The following TTC28 variants were observed in gnomAD, a reference collection of about 807,000 sequenced individuals.
TTC28 encodes the protein tetratricopeptide repeat protein 28.
TTC28 carries 61 observed loss-of-function variants against 198.0 expected under a neutral mutation model. The ratio of observed to expected loss-of-function variants is 0.31; its 90% CI spans 0.25 to 0.38. The LOEUF (loss-of-function observed/expected upper bound fraction) is 0.38. TTC28 is among the 10% of genes least tolerant of loss of function. The pLI, the probability that TTC28 is intolerant of heterozygous loss-of-function variation, is 1.00. For missense variants in TTC28, 2,678 were observed against 3,164.0 expected (o/e 0.85, Z 3.69); for synonymous variants, 1,171 against 1,297.8 (o/e 0.90, Z 2.10).
At chr22:28,333,177 T>A (rs2045643824) in intron 2 of TTC28, among the ~76,000 whole-genome samples, 2 of 152,090 alleles carry the variant, frequency 1.3e-5, no homozygotes, top group Non-Finnish European at 2.9e-5. Flanking sequence ...ATCATTCAGA[T>A]TTTCTTTTGC....
At chr22:28,102,181 A>G (rs1214698261) in intron 8 of TTC28, among the ~76,000 whole-genome samples, 2 of 152,234 alleles carry the variant, frequency 1.3e-5, no homozygotes, top group African/African-American at 4.8e-5. Flanking sequence ...ATGAGTGTTA[A>G]TAGAAGATAC....
chr22:28,215,999 G>A (rs1048142718), intron 5 of TTC28, among the ~76,000 whole-genome samples: 1 of 152,166 alleles, frequency 6.6e-6, no homozygotes, highest in Non-Finnish European at 1.5e-5. Context: ...CCTACACCAT[G>A]TTACAGACAT....
intron 2 of TTC28, among the ~76,000 whole-genome samples, chr22:28,422,268 G>A (rs1392583697): frequency 6.6e-6 from 1 of 152,122 alleles, no homozygotes; most frequent in Non-Finnish European, 1.5e-5. Context: ...CTTTGACAAG[G>A]AGTAAGGGAT....
chr22:28,529,994 C>A (rs1400867652), intron 2 of TTC28, among the ~76,000 whole-genome samples: 1 of 152,164 alleles, frequency 6.6e-6, no homozygotes, highest in Non-Finnish European at 1.5e-5. Flanking sequence ...AATAAGAGCA[C>A]CTCTTCTCCT....
intron 20 of TTC28, among the ~76,000 whole-genome samples, chr22:27,990,334 C>T (rs2294818): frequency 0.066 from 10,084 of 152,126 alleles, 560 homozygotes; most frequent in East Asian, 0.24. Flanking sequence ...GTTAGGGGAC[C>T]GGCCACCTCC....
chr22:28,537,271 C>T (rs926354138), intron 2 of TTC28, among the ~76,000 whole-genome samples: 9 of 115,898 alleles, frequency 7.8e-5, no homozygotes, highest in Middle Eastern at 4.4e-3. Flanking sequence ...CCAGCCTGGG[C>T]GACAGAGCCA....
intron 6 of TTC28, among the ~76,000 whole-genome samples, chr22:28,134,865 AT>A (rs1469296741): frequency 6.6e-6 from 1 of 152,014 alleles, no homozygotes; most frequent in East Asian, 1.9e-4. Context: ...CTGAGACTAT[AT>A]TTCTGTGTGG....
chr22:28,496,615 C>A (rs999821205), intron 2 of TTC28, among the ~76,000 whole-genome samples: 1 of 152,042 alleles, frequency 6.6e-6, no homozygotes, highest in Non-Finnish European at 1.5e-5. Flanking sequence ...CTGCTAATTA[C>A]CACCCTTGTC....
chr22:27,998,921 G>A lies in TTC28; in HGVS notation c.4738C>T (p.Pro1580Ser). Residue 1580 changes from proline to serine, a missense_variant, in exon 16 of 23, where the codon CCT (proline) becomes TCT (serine). By Grantham distance (74) the Pro-to-Ser change is moderately conservative. Coordinates refer to ENST00000397906, the MANE Select transcript of TTC28 (RefSeq NM_001145418.2). ...KSSFGHPYTI[P>S]ESLRVQDDAS... ...TCGTCCTGCACCCGCAAGGACTCAG[G>A]GATCGTGTAGGGGTGGCCGAAGGAG... The A allele has an allele frequency of 1.3e-6, 2 of 1,550,792 alleles. No individual in the cohort carries two copies.
intron 12 of TTC28, among the ~76,000 whole-genome samples, chr22:28,082,723 TTGTC>T (rs1406540091): frequency 6.6e-6 from 1 of 152,226 alleles, no homozygotes; most frequent in African/African-American, 2.4e-5. Flanking sequence ...TGTGGTATCT[TTGTC>T]TGATTTCGGC....
At chr22:28,058,248 T>G (rs541117573) in intron 12 of TTC28, among the ~76,000 whole-genome samples, 1 of 152,232 alleles carries the variant, frequency 6.6e-6, no homozygotes, top group African/African-American at 2.4e-5. Flanking sequence ...AAAGTTTATT[T>G]ACGAAACAGT....
intron 2 of TTC28, among the ~76,000 whole-genome samples, chr22:28,329,892 G>A (rs112270579): frequency 0.01 from 1,549 of 152,258 alleles, 35 homozygotes; most frequent in East Asian, 0.082. Context: ...GACGATGGTG[G>A]AGAACAAATC....
At chr22:28,436,373 T>C (rs1286510258) in intron 2 of TTC28, among the ~76,000 whole-genome samples, 2 of 152,196 alleles carry the variant, frequency 1.3e-5, no homozygotes, top group Non-Finnish European at 2.9e-5. Context: ...ACAGACATAC[T>C]GACAGCTTCA....
intron 2 of TTC28, among the ~76,000 whole-genome samples, chr22:28,445,810 C>G (rs999906758): frequency 6.6e-6 from 1 of 151,980 alleles, no homozygotes; most frequent in Admixed American, 6.6e-5. Context: ...CCTTTCTACC[C>G]TACTTACCCT....
chr22:28,366,019 T>C (rs114588336), intron 2 of TTC28, among the ~76,000 whole-genome samples: 1 of 152,342 alleles, frequency 6.6e-6, no homozygotes, highest in African/African-American at 2.4e-5. Flanking sequence ...CTAAATACTA[T>C]GTAAAACTGA....
chr22:28,251,616 G>A (rs1930515636), intron 5 of TTC28, among the ~76,000 whole-genome samples: 1 of 152,098 alleles, frequency 6.6e-6, no homozygotes, highest in Non-Finnish European at 1.5e-5. Context: ...AATATAGGGT[G>A]GCATATGATT....
intron 6 of TTC28, among the ~76,000 whole-genome samples, chr22:28,154,050 T>C (rs1376967339): frequency 6.6e-6 from 1 of 152,176 alleles, no homozygotes; most frequent in East Asian, 1.9e-4. Context: ...ATGATTCTCA[T>C]TGTCTCCCTA....
chr22:28,525,076 T>A (rs2048980643), intron 2 of TTC28, among the ~76,000 whole-genome samples: 1 of 152,376 alleles, frequency 6.6e-6, no homozygotes, highest in African/African-American at 2.4e-5. Context: ...TTTTTCTTCA[T>A]ACTTAGTATA....
In TTC28 at chr22:27,982,690, T is replaced by C. The variant is rs775463063; in HGVS notation, c.6977A>G (p.Tyr2326Cys). The change falls in exon 23 of 23, where the codon TAC becomes TGC. Residue 2326 changes from tyrosine to cysteine, a missense_variant. Coordinates refer to ENST00000397906, the MANE Select transcript of TTC28 (RefSeq NM_001145418.2). This position sits in a 1 kb window ranked among gnomAD's most constrained non-coding sequence, Gnocchi z 5.2. ...TGAGCGAGCAGATCCAGCTGAGGAG[T>C]AGGAGAGAGCTGGGGAGGGTGCACT... ...AGSAPSPALS[Y>C]SSAGSARSSP... 1.9e-6 allele frequency: 3 copies of C among 1,550,628 alleles called. No individual in the cohort carries two copies. Among genetic ancestry groups the C allele is most frequent in the Admixed American group, 3.9e-5 (2 of 50,888 alleles).
Sources: allele counts gnomAD v4.1 joint callset (sites outside exome capture counted in the v4.1 genomes callset), GRCh38; gene constraint gnomAD v4.1.1; non-coding constraint Gnocchi (gnomAD v3.1); transcripts MANE v1.5; gene names NCBI Gene and HGNC (gene_info 2026-07-23, HGNC 2026-07-21).